The following ANKIB1 variants were observed in gnomAD, a reference collection of about 807,000 sequenced individuals.
ANKIB1 encodes ankyrin repeat and IBR domain-containing protein 1.
In ANKIB1, 43 loss-of-function variants were observed where a neutral mutation model predicts 122.1. That is an observed-to-expected ratio of 0.35 (90% confidence interval 0.28 to 0.45). The LOEUF is 0.45. Ranked by LOEUF, ANKIB1 falls within the 20% of genes least tolerant of loss-of-function variation. The pLI, the probability that ANKIB1 is intolerant of heterozygous loss-of-function variation, is 1.00. For synonymous variants in ANKIB1, 390 were observed against 442.0 expected (o/e 0.88, Z 1.48); for missense variants, 992 against 1,329.5 (o/e 0.75, Z 3.95).
chr7:92,306,059 T>TCCA (rs2131933617), intron 2 of ANKIB1, among the ~76,000 whole-genome samples: 1 of 131,668 alleles, frequency 7.6e-6, no homozygotes, highest in South Asian at 2.9e-4. Context: ...CCCTCTGGTC[T>TCCA]CCAAGAGGGG....
chr7:92,398,139 T>C, intron 19 of ANKIB1, 73 bp from the exon 20 acceptor site: 1 of 1,443,332 alleles, frequency 6.9e-7, no homozygotes, highest in South Asian at 1.5e-5. Context: ...AAAGGAAGAA[T>C]GGTAAACCTG....
chr7:92,300,706 C>T (rs959914691), intron 2 of ANKIB1, among the ~76,000 whole-genome samples: 5 of 151,704 alleles, frequency 3.3e-5, no homozygotes, highest in Admixed American at 1.3e-4. Flanking sequence ...TTCTGTGTGG[C>T]GAAAATACTT....
At chr7:92,347,938 A>C (rs1803575732) in intron 7 of ANKIB1, 1 of 432,520 alleles carries the variant, frequency 2.3e-6, no homozygotes, top group African/African-American at 2.1e-5. Context: ...TTATTATCAT[A>C]TTCCTAAGCA....
In ANKIB1 at chr7:92,386,562, G is replaced by A. The variant is rs140665362; in HGVS notation, c.1671G>A (p.Ser557=). 7.2e-5 allele frequency: 115 copies of A among 1,605,506 alleles called. 4 individuals carry two copies. Among genetic ancestry groups the A allele is most frequent in the South Asian group, 5.4e-4 (48 of 89,160 alleles). ...TTGAAGAGTGGAAAAAACATAGTTCGTCCACTGGAGGTTATTACAGATGTA... is the reference window on the plus strand; with the variant it reads ...TTGAAGAGTGGAAAAAACATAGTTCATCCACTGGAGGTTATTACAGATGTA... ...ICLEEWKKHS[S]STGGYYRCTR... The change falls in exon 12 of 20, where the codon TCG becomes TCA. Residue 557 remains serine, a synonymous_variant. Coordinates refer to ENST00000265742, the MANE Select transcript of ANKIB1 (RefSeq NM_019004.2).
At chr7:92,393,770 A>C (rs1804832864) in intron 17 of ANKIB1, among the ~76,000 whole-genome samples, 1 of 152,132 alleles carries the variant, frequency 6.6e-6, no homozygotes. Flanking sequence ...TTGAAACACT[A>C]GGCTTTTACG....
At chr7:92,331,261 A>G (rs1384920000) in intron 5 of ANKIB1, among the ~76,000 whole-genome samples, 1 of 149,342 alleles carries the variant, frequency 6.7e-6, no homozygotes, top group Non-Finnish European at 1.5e-5. Flanking sequence ...CTTAAACAAC[A>G]TCACTTCTTT....
chr7:92,394,902 G>C (rs542077526), intron 17 of ANKIB1, among the ~76,000 whole-genome samples: 1 of 152,252 alleles, frequency 6.6e-6, no homozygotes, highest in South Asian at 2.1e-4. Context: ...TTAAATAAAT[G>C]TCACCAGAGT....
chr7:92,376,524 C>T (rs1376511289), intron 11 of ANKIB1, among the ~76,000 whole-genome samples: 4 of 151,456 alleles, frequency 2.6e-5, no homozygotes, highest in Admixed American at 2.6e-4. Flanking sequence ...TCTCAGCTCA[C>T]TGCAACCTCC....
intron 11 of ANKIB1, among the ~76,000 whole-genome samples, chr7:92,382,711 A>G (rs1804544963): frequency 6.6e-6 from 1 of 152,222 alleles, no homozygotes; most frequent in Non-Finnish European, 1.5e-5. Flanking sequence ...GACACAACAT[A>G]CCAGAATCTC....
rs368273578 is a variant in ANKIB1, at chr7:92,318,058, CT to C, written c.487-1271del. On this transcript the variant is annotated intron_variant, in intron 3 of 19. Transcript: ENST00000265742. ...GAATCCCAGTTCTACTGCTTACTAG[CT>C]GGGTAATTTTAGTTAATCAAGCTAC... Among the ~76,000 whole-genome samples, 40 of 152,224 alleles carry C rather than the reference CT, an allele frequency of 2.6e-4. No homozygotes were observed. The East Asian group carries it at 7.3e-3, about 28-fold the overall frequency.
chr7:92,301,009 C>G (rs975674407), intron 2 of ANKIB1, among the ~76,000 whole-genome samples: 1 of 152,088 alleles, frequency 6.6e-6, no homozygotes, highest in East Asian at 1.9e-4. Context: ...TCATCTATGT[C>G]GAAAATGGCA....
intron 6 of ANKIB1, 38 bp from the exon 7 acceptor site, chr7:92,344,940 A>G: frequency 1.3e-6 from 2 of 1,494,176 alleles, no homozygotes; most frequent in South Asian, 1.1e-5. Context: ...TTTCAGAAGT[A>G]CATTTCTGTT....
chr7:92,339,825 T>G (rs140562308), intron 5 of ANKIB1, among the ~76,000 whole-genome samples: 1 of 152,184 alleles, frequency 6.6e-6, no homozygotes, highest in African/African-American at 2.4e-5. Flanking sequence ...TTCTTGCAGT[T>G]TATAGGTTGT....
At chr7:92,379,357 A>T (rs1248444004) in intron 11 of ANKIB1, among the ~76,000 whole-genome samples, 2 of 152,284 alleles carry the variant, frequency 1.3e-5, no homozygotes, top group South Asian at 4.1e-4. Flanking sequence ...CTGCCACTGC[A>T]CTCCAGCCTA....
At chr7:92,396,204 G>GT in intron 17 of ANKIB1, 161 bp from the exon 18 acceptor site, 1 of 610,672 alleles carries the variant, frequency 1.6e-6, no homozygotes, top group Non-Finnish European at 2.9e-6. Context: ...TACCTTTTGT[G>GT]TTTCCTTGGC....
chr7:92,253,619 CACAT>C (rs796248620), intron 1 of ANKIB1, among the ~76,000 whole-genome samples: 17 of 152,188 alleles, frequency 1.1e-4, no homozygotes, highest in African/African-American at 3.9e-4. Flanking sequence ...ATAGAATATA[CACAT>C]AGTTTCCCCA....
intron 10 of ANKIB1, among the ~76,000 whole-genome samples, chr7:92,362,585 A>G (rs189885490): frequency 6.9e-4 from 105 of 152,220 alleles, no homozygotes; most frequent in African/African-American, 2.4e-3. Flanking sequence ...GAGCCAACCA[A>G]TTGTTCTGTA....
rs780791692 is a variant in ANKIB1, at chr7:92,343,112, A to C, written c.876A>C (p.Pro292=). 2 of 1,613,938 alleles carry C rather than the reference A, an allele frequency of 1.2e-6. No individual in the cohort carries two copies. The highest frequency in any genetic ancestry group is 3.3e-5 in the Admixed American group (2 of 60,012). The change falls in exon 6 of 20, where the codon CCA becomes CCC. Residue 292 remains proline (P), a synonymous_variant. Coordinates refer to ENST00000265742, the MANE Select transcript of ANKIB1 (RefSeq NM_019004.2). The stretch of plus-strand genomic sequence containing the variant: ...CAGGTGTTCAAATGCCAACTCCACC[A>C]CCAAGTGGGTATAATGCCTGGGACA... ...QRSGVQMPTP[P]PSGYNAWDTL...
At chr7:92,323,797 T>A (rs1161758896) in intron 4 of ANKIB1, among the ~76,000 whole-genome samples, 1 of 152,194 alleles carries the variant, frequency 6.6e-6, no homozygotes, top group African/African-American at 2.4e-5. Flanking sequence ...ACACTATATA[T>A]AATATGGATC....
Sources: allele counts gnomAD v4.1 joint callset (sites outside exome capture counted in the v4.1 genomes callset), GRCh38; gene constraint gnomAD v4.1.1; transcripts MANE v1.5; gene names NCBI Gene and HGNC (gene_info 2026-07-23, HGNC 2026-07-21).